The following VAV2 variants were observed in gnomAD, a reference collection of about 807,000 sequenced individuals.
VAV2 encodes guanine nucleotide exchange factor VAV2.
In VAV2, 67 loss-of-function variants were observed where a neutral mutation model predicts 132.5. That is an observed-to-expected ratio of 0.51 (90% CI 0.42 to 0.62). The LOEUF is 0.62. Ranked by LOEUF, VAV2 falls within the 20% of genes least tolerant of loss-of-function variation. The pLI is 0.00. For synonymous variants in VAV2, 492 were observed against 443.5 expected (o/e 1.11, Z -1.37); for missense variants, 938 against 1,153.6 (o/e 0.81, Z 2.71).
intron 1 of VAV2, among the ~76,000 whole-genome samples, chr9:133,945,736 G>A (rs973245187): frequency 3.3e-5 from 5 of 152,196 alleles, no homozygotes; most frequent in Admixed American, 1.3e-4. Flanking sequence ...CATGTAGATC[G>A]TCACCAACAG....
intron 1 of VAV2, among the ~76,000 whole-genome samples, chr9:133,988,895 G>A (rs998015897): frequency 1.3e-5 from 2 of 152,084 alleles, no homozygotes; most frequent in Non-Finnish European, 2.9e-5. Context: ...GTGAAACGCC[G>A]CCTCTACTAA....
intron 1 of VAV2, among the ~76,000 whole-genome samples, chr9:133,970,769 G>A (rs762228866): frequency 3.3e-5 from 5 of 152,210 alleles, no homozygotes; most frequent in Admixed American, 6.5e-5. Flanking sequence ...AAATGGTCTC[G>A]TCTGTCCATC....
chr9:133,976,908 G>A (rs376378828), intron 1 of VAV2, among the ~76,000 whole-genome samples: 25 of 152,360 alleles, frequency 1.6e-4, no homozygotes, highest in Middle Eastern at 3.4e-3. Context: ...GGAAGGTCAA[G>A]CTCAAAAGCA....
At chr9:133,941,630 T>C (rs1243995909) in intron 1 of VAV2, among the ~76,000 whole-genome samples, 2 of 148,678 alleles carry the variant, frequency 1.3e-5, no homozygotes, top group Non-Finnish European at 3.0e-5. Context: ...GGGACGGAAT[T>C]TCGCCCTTGT....
At chr9:133,990,455 G>A (rs191619837) in intron 1 of VAV2, among the ~76,000 whole-genome samples, 2 of 152,262 alleles carry the variant, frequency 1.3e-5, no homozygotes, top group African/African-American at 4.8e-5. Context: ...ACCACAGCTG[G>A]GGAGGGGCAG....
intron 2 of VAV2, among the ~76,000 whole-genome samples, chr9:133,904,156 G>T (rs1337485993): frequency 6.6e-6 from 1 of 152,182 alleles, no homozygotes; most frequent in Non-Finnish European, 1.5e-5. Flanking sequence ...TCCAGCCCGT[G>T]TCCTGGTGGG....
intron 3 of VAV2, among the ~76,000 whole-genome samples, chr9:133,836,184 C>T (rs149186590): frequency 0.01 from 1,526 of 152,292 alleles, 22 homozygotes; most frequent in African/African-American, 0.035. Context: ...GGGGGTGGGG[C>T]TGAGGAGCCA....
At chr9:133,988,229 A>G (rs1179451510) in intron 1 of VAV2, among the ~76,000 whole-genome samples, 1 of 145,316 alleles carries the variant, frequency 6.9e-6, no homozygotes, top group African/African-American at 2.5e-5. Context: ...ACAGGCACCC[A>G]CCCCCCACCC....
At chr9:133,890,230 T>C (rs567131962) in intron 2 of VAV2, among the ~76,000 whole-genome samples, 1 of 150,100 alleles carries the variant, frequency 6.7e-6, no homozygotes, top group Non-Finnish European at 1.5e-5. Flanking sequence ...AGGCCGGGAG[T>C]CTGGGCAGTG....
At chr9:133,945,513 T>C (rs1182634318) in intron 1 of VAV2, among the ~76,000 whole-genome samples, 3 of 152,230 alleles carry the variant, frequency 2.0e-5, no homozygotes, top group Admixed American at 2.0e-4. Flanking sequence ...AGAAGGCAGG[T>C]GACCCGCGAT....
chr9:133,971,111 C>T (rs1327156767), intron 1 of VAV2, among the ~76,000 whole-genome samples: 1 of 152,192 alleles, frequency 6.6e-6, no homozygotes, highest in Non-Finnish European at 1.5e-5. Flanking sequence ...CGGGAAGCCC[C>T]GGGTTCCACT....
intron 2 of VAV2, among the ~76,000 whole-genome samples, chr9:133,882,615 T>G (rs1838543779): frequency 6.6e-6 from 1 of 151,944 alleles, no homozygotes; most frequent in South Asian, 2.1e-4. Context: ...AGCGTGGCCC[T>G]GCCGACAACA....
intron 1 of VAV2, among the ~76,000 whole-genome samples, chr9:133,989,491 G>C (rs1842951153): frequency 6.7e-6 from 1 of 149,270 alleles, no homozygotes; most frequent in African/African-American, 2.5e-5. Flanking sequence ...CCGCACTCCA[G>C]CCTGGGCAAT....
intron 3 of VAV2, among the ~76,000 whole-genome samples, chr9:133,845,420 G>C (rs371023501): frequency 2.0e-5 from 3 of 152,358 alleles, no homozygotes; most frequent in Admixed American, 2.0e-4. Context: ...GGGCCAGAAT[G>C]GGGGGCCGCA....
chr9:133,936,071 T>C (rs1315833829), intron 2 of VAV2, among the ~76,000 whole-genome samples: 1 of 152,026 alleles, frequency 6.6e-6, no homozygotes, highest in African/African-American at 2.4e-5. Flanking sequence ...CAAGGGAACT[T>C]TGAGGGTGGG....
intron 2 of VAV2, among the ~76,000 whole-genome samples, chr9:133,902,355 C>A (rs1034470738): frequency 1.3e-5 from 2 of 152,238 alleles, no homozygotes; most frequent in Non-Finnish European, 2.9e-5. Flanking sequence ...TTGACCAAAC[C>A]TCCTCCATGC....
rs1217039841 is a variant in VAV2, at chr9:133,919,360, CA to C, written c.321+19742del. On this transcript the variant is annotated intron_variant, in intron 2 of 29. Transcript: ENST00000371850. The surrounding 1 kb of genome is among the most constrained non-coding windows in gnomAD (Gnocchi z 5.8). ...GAAAGGCTGGAGACTCTTAGGGCCC[CA>C]CCGGGCTTTGAAACCAGATCCTGGG... Among the ~76,000 whole-genome samples the C allele has an allele frequency of 1.3e-5, 2 of 152,212 alleles. No individual in the cohort carries two copies. Among genetic ancestry groups the C allele is most frequent in the Non-Finnish European group, 2.9e-5 (2 of 68,042 alleles).
intron 19 of VAV2, 114 bp from the exon 20 acceptor site, chr9:133,780,824 C>G (rs1259608494): frequency 1.7e-6 from 2 of 1,162,910 alleles, no homozygotes; most frequent in Non-Finnish European, 2.2e-6. Flanking sequence ...GGTAAGTGAG[C>G]CAAGCTACAA....
intron 3 of VAV2, among the ~76,000 whole-genome samples, chr9:133,851,646 A>T (rs1257858929): frequency 2.0e-5 from 3 of 151,972 alleles, no homozygotes; most frequent in African/African-American, 4.9e-5. Flanking sequence ...AATAGGGCAG[A>T]GCGAAATGGA....
Sources: allele counts gnomAD v4.1 joint callset (sites outside exome capture counted in the v4.1 genomes callset), GRCh38; gene constraint gnomAD v4.1.1; non-coding constraint Gnocchi (gnomAD v3.1); transcripts MANE v1.5; gene names NCBI Gene and HGNC (gene_info 2026-07-23, HGNC 2026-07-21).